LRRIQ1: variants seen among roughly 807,000 people sequenced by gnomAD.
The protein encoded by LRRIQ1 is leucine rich repeats and IQ motif containing 1, also known as leucine-rich repeat- and IQ domain-containing protein 1.
LRRIQ1 carries 210 observed loss-of-function variants against 211.9 expected under a neutral mutation model. The ratio of observed to expected loss-of-function variants is 0.99; its 90% CI spans 0.89 to 1.11. The LOEUF is 1.11. Ranked by LOEUF, LRRIQ1 falls within the 50% of genes most tolerant of loss-of-function variation. The pLI, the probability that LRRIQ1 is intolerant of heterozygous loss-of-function variation, is 0.00. For missense variants in LRRIQ1, 2,136 were observed against 1,939.5 expected, an observed-to-expected ratio of 1.10 and a Z score of -1.90; for synonymous variants, 699 against 650.1, an observed-to-expected ratio of 1.08 and a Z score of -1.14.
At chr12:85,171,738 T>C (rs1354450903) in intron 24 of LRRIQ1, among the ~76,000 whole-genome samples, 2 of 152,136 alleles carry the variant, frequency 1.3e-5, no homozygotes, top group African/African-American at 2.4e-5. Flanking sequence ...ATGAATGTCC[T>C]TTTTAGAAGA....
chr12:85,203,669 C>G (rs1893404708), intron 24 of LRRIQ1, among the ~76,000 whole-genome samples: 1 of 152,066 alleles, frequency 6.6e-6, no homozygotes, highest in Non-Finnish European at 1.5e-5. Context: ...CATTGTGTCC[C>G]TGCCCTAGAG....
At chr12:85,110,063 A>C (rs1438429742) in intron 15 of LRRIQ1, among the ~76,000 whole-genome samples, 1 of 152,148 alleles carries the variant, frequency 6.6e-6, no homozygotes, top group Non-Finnish European at 1.5e-5. Flanking sequence ...CGCATAATTT[A>C]TTTAGAACAA....
chr12:85,129,878 A>G (rs1194162597), intron 18 of LRRIQ1, among the ~76,000 whole-genome samples: 2 of 152,194 alleles, frequency 1.3e-5, no homozygotes, highest in African/African-American at 2.4e-5. Flanking sequence ...ATCAGTTAGC[A>G]TCCTATTACA....
intron 24 of LRRIQ1, among the ~76,000 whole-genome samples, chr12:85,183,607 C>T (rs1892092698): frequency 6.6e-6 from 1 of 151,892 alleles, no homozygotes; most frequent in Non-Finnish European, 1.5e-5. Context: ...TCATTATTAG[C>T]ACAGGAATAA....
intron 3 of LRRIQ1, among the ~76,000 whole-genome samples, chr12:85,042,496 T>G (rs1879013445): frequency 6.7e-6 from 1 of 148,504 alleles, no homozygotes; most frequent in Non-Finnish European, 1.5e-5. Flanking sequence ...CATCATAAGT[T>G]TATTATTCAT....
intron 24 of LRRIQ1, among the ~76,000 whole-genome samples, chr12:85,225,387 A>G (rs1346640245): frequency 2.6e-5 from 4 of 152,196 alleles, no homozygotes; most frequent in African/African-American, 9.7e-5. Flanking sequence ...AAAATGTGAA[A>G]ACAGCTACAA....
intron 26 of LRRIQ1, among the ~76,000 whole-genome samples, chr12:85,236,954 T>C (rs1365812093): frequency 6.7e-6 from 1 of 150,340 alleles, no homozygotes; most frequent in Non-Finnish European, 1.5e-5. Flanking sequence ...TAAGAACTCT[T>C]TATTAAATAA....
chr12:85,210,959 A>G (rs1893809210), intron 24 of LRRIQ1, among the ~76,000 whole-genome samples: 1 of 152,196 alleles, frequency 6.6e-6, no homozygotes, highest in Non-Finnish European at 1.5e-5. Flanking sequence ...CTCAGCTATA[A>G]CACAAACCAA....
At chr12:85,124,756 G>C in intron 17 of LRRIQ1, 1 of 389,554 alleles carries the variant, frequency 2.6e-6, no homozygotes, top group Non-Finnish European at 4.6e-6. Flanking sequence ...ATTTAAATGA[G>C]TAAATGTGAG....
intron 10 of LRRIQ1, among the ~76,000 whole-genome samples, chr12:85,069,515 C>G (rs559855317): frequency 6.6e-6 from 1 of 152,004 alleles, no homozygotes; most frequent in Non-Finnish European, 1.5e-5. Context: ...GGAATCGCCA[C>G]GCTGACTTCC....
chr12:85,103,972 A>C, intron 13 of LRRIQ1, 32 bp from the exon 14 acceptor site: 1 of 1,385,296 alleles, frequency 7.2e-7, no homozygotes, highest in Non-Finnish European at 1.0e-6. Flanking sequence ...TCCAATTTAG[A>C]ATTTTGATGA....
At chr12:85,232,027 T>A (rs1175142452) in intron 25 of LRRIQ1, among the ~76,000 whole-genome samples, 2 of 152,214 alleles carry the variant, frequency 1.3e-5, no homozygotes, top group East Asian at 3.9e-4. Context: ...TTAGAACAGA[T>A]GTAAAGAAAA....
At chr12:85,204,140 G>A (rs1273147151) in intron 24 of LRRIQ1, among the ~76,000 whole-genome samples, 1 of 152,190 alleles carries the variant, frequency 6.6e-6, no homozygotes, top group Non-Finnish European at 1.5e-5. Flanking sequence ...TCAGGCTGTG[G>A]CTTCAGATGG....
intron 15 of LRRIQ1, among the ~76,000 whole-genome samples, chr12:85,117,533 C>G (rs1887672672): frequency 6.6e-6 from 1 of 152,086 alleles, no homozygotes; most frequent in Non-Finnish European, 1.5e-5. Flanking sequence ...TTTGGCAGAC[C>G]TCCTTTTTTC....
intron 13 of LRRIQ1, among the ~76,000 whole-genome samples, chr12:85,101,667 A>C (rs190424603): frequency 6.6e-6 from 1 of 151,808 alleles, no homozygotes; most frequent in Admixed American, 6.6e-5. Flanking sequence ...TTAAGTTTCT[A>C]CCATCCTAAT....
chr12:85,159,377 A>G (rs1260986043), intron 23 of LRRIQ1: 1 of 152,004 alleles, frequency 6.6e-6, no homozygotes, highest in Non-Finnish European at 1.5e-5. Flanking sequence ...TAAACTGGAA[A>G]TGTTTCATTG....
At chr12:85,192,429 T>C (rs1258395177) in intron 24 of LRRIQ1, among the ~76,000 whole-genome samples, 1 of 132,194 alleles carries the variant, frequency 7.6e-6, no homozygotes, top group Non-Finnish European at 1.6e-5. Flanking sequence ...CATTTATATA[T>C]ATTTATATAT....
chr12:85,204,739 G>A (rs1893462208), intron 24 of LRRIQ1, among the ~76,000 whole-genome samples: 1 of 152,112 alleles, frequency 6.6e-6, no homozygotes, highest in African/African-American at 2.4e-5. Context: ...TACCCCCATT[G>A]TATCTAGGAA....
intron 15 of LRRIQ1, among the ~76,000 whole-genome samples, chr12:85,114,531 A>G (rs1887431555): frequency 6.6e-6 from 1 of 150,902 alleles, no homozygotes; most frequent in Non-Finnish European, 1.5e-5. Context: ...TTTATTGACT[A>G]AAACATACTT....
Sources: allele counts gnomAD v4.1 joint callset (sites outside exome capture counted in the v4.1 genomes callset), GRCh38; gene constraint gnomAD v4.1.1; transcripts MANE v1.5; gene names NCBI Gene and HGNC (gene_info 2026-07-23, HGNC 2026-07-21).